Variants in RBMS3 observed in about 807,000 individuals in gnomAD.
RBMS3 encodes RNA-binding motif, single-stranded-interacting protein 3.
RBMS3 carries 27 observed loss-of-function variants against 66.8 expected under a neutral mutation model. That is an observed-to-expected ratio of 0.40 (90% CI 0.30 to 0.56). The LOEUF (loss-of-function observed/expected upper bound fraction) is 0.56, where lower values mean the gene tolerates loss of function less well. Ranked by LOEUF, RBMS3 falls within the 20% of genes least tolerant of loss-of-function variation. The pLI is 0.40. For synonymous variants in RBMS3, 188 were observed against 183.0 expected, an observed-to-expected ratio of 1.03 and a Z score of -0.22; for missense variants, 513 against 549.5, an observed-to-expected ratio of 0.93 and a Z score of 0.66.
chr3:29,539,755 T>G (rs2045692241), intron 3 of RBMS3, among the ~76,000 whole-genome samples: 1 of 152,186 alleles, frequency 6.6e-6, no homozygotes, highest in Admixed American at 6.5e-5. Flanking sequence ...TGACAAGACA[T>G]CAGGAGTACC....
At chr3:29,295,389 A>G (rs1196065993) in intron 1 of RBMS3, among the ~76,000 whole-genome samples, 2 of 147,742 alleles carry the variant, frequency 1.4e-5, no homozygotes, top group Non-Finnish European at 3.0e-5. Context: ...ACATATATAT[A>G]TGTTTCATGA....
intron 6 of RBMS3, among the ~76,000 whole-genome samples, chr3:29,783,274 A>C (rs6762867): frequency 0.11 from 17,070 of 152,140 alleles, 1,076 homozygotes; most frequent in African/African-American, 0.17. Context: ...AAGACAAAGG[A>C]AAGAATCTTA....
intron 2 of RBMS3, among the ~76,000 whole-genome samples, chr3:29,476,453 G>A (rs545261832): frequency 5.9e-5 from 9 of 152,198 alleles, no homozygotes; most frequent in African/African-American, 1.7e-4. Flanking sequence ...TTTCACATAG[G>A]TAGTTGAACT....
At chr3:29,909,760 T>A (rs2060471249) in intron 10 of RBMS3, among the ~76,000 whole-genome samples, 1 of 152,098 alleles carries the variant, frequency 6.6e-6, no homozygotes, top group African/African-American at 2.4e-5. Flanking sequence ...TCTAGCTCTG[T>A]TACTGTGGGA....
chr3:29,894,200 G>A (rs183671682), intron 8 of RBMS3, among the ~76,000 whole-genome samples: 1 of 151,492 alleles, frequency 6.6e-6, no homozygotes, highest in East Asian at 2.0e-4. Context: ...GTAGATGGCT[G>A]CCATCTTTTT....
chr3:29,312,408 C>G (rs1301759075), intron 1 of RBMS3, among the ~76,000 whole-genome samples: 1 of 151,656 alleles, frequency 6.6e-6, no homozygotes, highest in Non-Finnish European at 1.5e-5. Context: ...TACATAGGGA[C>G]ACAAGAGAAC....
chr3:29,742,578 A>T (rs28440170), intron 5 of RBMS3, among the ~76,000 whole-genome samples: 4,493 of 152,290 alleles, frequency 0.03, 223 homozygotes, highest in African/African-American at 0.1. Context: ...GCTGACCTCC[A>T]ATCTTTGGCT....
intron 4 of RBMS3, among the ~76,000 whole-genome samples, chr3:29,701,885 C>A (rs61574526): frequency 7.8e-6 from 1 of 127,668 alleles, no homozygotes; most frequent in East Asian, 1.9e-4. Flanking sequence ...TCCACGGCGC[C>A]GCCCGGTCCC....
chr3:29,945,926 A>T (rs1233597360), intron 12 of RBMS3, among the ~76,000 whole-genome samples: 1 of 151,766 alleles, frequency 6.6e-6, no homozygotes, highest in Non-Finnish European at 1.5e-5. Flanking sequence ...CTTGAGCAAG[A>T]AGACATAAAA....
intron 1 of RBMS3, among the ~76,000 whole-genome samples, chr3:29,336,923 C>T (rs941002356): frequency 2.0e-5 from 3 of 152,074 alleles, no homozygotes; most frequent in African/African-American, 7.2e-5. Context: ...TGTACCTTCT[C>T]CTATTTCCTA....
At chr3:29,518,551 G>A (rs3773054) in intron 3 of RBMS3, among the ~76,000 whole-genome samples, 17,191 of 152,142 alleles carry the variant, frequency 0.11, 1,560 homozygotes, top group East Asian at 0.39. Context: ...TAACAGAAAA[G>A]AATATGAAAA....
At chr3:29,329,481 A>G (rs553314321) in intron 1 of RBMS3, among the ~76,000 whole-genome samples, 24 of 152,260 alleles carry the variant, frequency 1.6e-4, no homozygotes, top group African/African-American at 5.8e-4. Flanking sequence ...GGAAGCATTT[A>G]TTAAAAGACT....
chr3:29,589,067 T>C (rs186385919), intron 4 of RBMS3, among the ~76,000 whole-genome samples: 1 of 152,054 alleles, frequency 6.6e-6, no homozygotes, highest in East Asian at 1.9e-4. Context: ...CCTCAGAATA[T>C]GTATAGTTAG....
At chr3:29,504,652 T>G (rs2044112145) in intron 3 of RBMS3, among the ~76,000 whole-genome samples, 1 of 152,084 alleles carries the variant, frequency 6.6e-6, no homozygotes, top group Non-Finnish European at 1.5e-5. Flanking sequence ...ATTTTTAATT[T>G]TTTGAGAAAC....
intron 1 of RBMS3, among the ~76,000 whole-genome samples, chr3:29,333,637 G>T (rs1379536422): frequency 1.3e-5 from 2 of 152,082 alleles, no homozygotes. Context: ...GAACTAGGGT[G>T]GGTAAGTCTT....
intron 9 of RBMS3, among the ~76,000 whole-genome samples, chr3:29,898,366 G>A (rs538729004): frequency 2.6e-5 from 4 of 151,598 alleles, no homozygotes; most frequent in Admixed American, 1.3e-4. Flanking sequence ...CTTGAATTTT[G>A]CAGCTGGTGG....
At chr3:29,337,614 C>A (rs1168172635) in intron 1 of RBMS3, among the ~76,000 whole-genome samples, 1 of 151,896 alleles carries the variant, frequency 6.6e-6, no homozygotes, top group Non-Finnish European at 1.5e-5. Context: ...CTGCTGCAAC[C>A]CAGGCTGGGT....
rs1274472993 is a variant in RBMS3, at chr3:29,281,768, C to T, written c.75+12C>T. 1.2e-6 allele frequency: 2 copies of T among 1,604,840 alleles called. No individual in the cohort carries two copies. The highest frequency in any genetic ancestry group is 1.7e-6 in the Non-Finnish European group (2 of 1,172,482). ...ATCTCCAAACCAAGGTATGGCTTGA[C>T]CCACGGTCTGGCGATCAGCGTGGTA... On this transcript the variant is annotated intron_variant, in intron 1 of 14. Transcript: ENST00000383767.
chr3:29,584,785 C>T (rs1408390678), intron 3 of RBMS3, among the ~76,000 whole-genome samples: 1 of 152,058 alleles, frequency 6.6e-6, no homozygotes, highest in Non-Finnish European at 1.5e-5. Context: ...GCATCCATTT[C>T]ACCCTATTTC....
Sources: allele counts gnomAD v4.1 joint callset (sites outside exome capture counted in the v4.1 genomes callset), GRCh38; gene constraint gnomAD v4.1.1; transcripts MANE v1.5; gene names NCBI Gene and HGNC (gene_info 2026-07-23, HGNC 2026-07-21).